Variants in HMCN2 observed in about 807,000 individuals in gnomAD.
The protein encoded by HMCN2 is hemicentin 2.
A neutral mutation model predicts 377.5 loss-of-function variants in HMCN2; 325 were observed. The ratio of observed to expected loss-of-function variants is 0.86; its 90% CI spans 0.79 to 0.94. The LOEUF (loss-of-function observed/expected upper bound fraction) is 0.94. Ranked by LOEUF, HMCN2 falls within the 40% of genes least tolerant of loss-of-function variation. The pLI, the probability that HMCN2 is intolerant of heterozygous loss-of-function variation, is 0.00. For missense variants in HMCN2, 4,543 were observed against 4,725.3 expected, an observed-to-expected ratio of 0.96 and a Z score of 1.13; for synonymous variants, 2,007 against 2,046.8, an observed-to-expected ratio of 0.98 and a Z score of 0.53.
rs749094839 is a variant in HMCN2 at position 130,369,848 on chromosome 9, C to T, written c.7066C>T (p.Leu2356=). Residue 2356 remains leucine, a synonymous_variant, in exon 45 of 98, where the codon CTG becomes TTG. Transcript: ENST00000683500. This position sits in a 1 kb window ranked among gnomAD's most constrained non-coding sequence, Gnocchi z 4.5. ...AGAGAGGAAGTTTGAGCTCTCCGTA[C>T]TGGGTGAGGACCGGCAGCTGCTGGA... The part of the protein sequence containing the change: ...RAERKFELSV[L]VPPELIGDLD... 8.1e-6 allele frequency: 8 copies of T among 986,196 alleles called. No homozygotes were observed. Among genetic ancestry groups the T allele is most frequent in the Non-Finnish European group, 9.6e-6 (8 of 830,448 alleles). 61.1% of individuals were successfully genotyped at this position (986,196 alleles called of 1,614,324 possible). A position where few individuals can be genotyped will look rare whatever the true frequency, so the allele number is the denominator to read the frequency against.
chr9:130,433,069 CCT>C (rs1169017908), intron 97 of HMCN2: 2 of 448,990 alleles, frequency 4.5e-6, no homozygotes, highest in Non-Finnish European at 7.8e-6. Flanking sequence ...ACATCGCTCC[CCT>C]GTGTCTGCTG....
chr9:130,291,260 A>C (rs1184568979), intron 4 of HMCN2, among the ~76,000 whole-genome samples: 2 of 152,188 alleles, frequency 1.3e-5, no homozygotes, highest in African/African-American at 2.4e-5. Context: ...CCCAAGCTGG[A>C]ATGCAGTGGC....
At chr9:130,295,159 G>C (rs147065540) in intron 5 of HMCN2, 133 bp downstream of exon 5, 1 of 284,920 alleles carries the variant, frequency 3.5e-6, no homozygotes, top group African/African-American at 2.3e-5. Flanking sequence ...AATATGGGGT[G>C]GGGGGGACAC....
chr9:130,335,450 C>G (rs1838694874), intron 22 of HMCN2, among the ~76,000 whole-genome samples: 1 of 152,154 alleles, frequency 6.6e-6, no homozygotes, highest in African/African-American at 2.4e-5. Flanking sequence ...GTGGTGTCTT[C>G]TCGCGTATTC....
chr9:130,395,133 G>GGGGGGGGGGGGGGGGC (rs2131690285), intron 70 of HMCN2, 25 bp downstream of exon 70: 1 of 453,792 alleles, frequency 2.2e-6, no homozygotes, highest in Non-Finnish European at 3.9e-6. Context: ...TGGGGTGGGG[G>GGGGGGGGGGGGGGGGC]CAGGGCCGGG....
chr9:130,431,822 C>A (rs1229094761), intron 96 of HMCN2, among the ~76,000 whole-genome samples: 1 of 152,224 alleles, frequency 6.6e-6, no homozygotes, highest in African/African-American at 2.4e-5. Context: ...CTAGCACAGT[C>A]CCCTCTCAGA....
intron 97 of HMCN2, 140 bp downstream of exon 97, chr9:130,432,695 G>C (rs1844835329): frequency 1.1e-6 from 1 of 906,106 alleles, no homozygotes; most frequent in Admixed American, 2.3e-5. Context: ...GGGGCAGGGA[G>C]AGGCCAGAGT....
rs116422675 is a variant in HMCN2, at chr9:130,348,014, A to G, written c.4025-531A>G. 2.6e-3 allele frequency: 2,604 copies of G among 985,328 alleles called. 65 individuals carry two copies. The African/African-American group carries it at 0.042, about 16-fold the overall frequency. 61.0% of individuals were successfully genotyped at this position (985,328 alleles called of 1,614,324 possible). A position where few individuals can be genotyped will look rare whatever the true frequency, so the allele number is the denominator to read the frequency against. ...CATCCAGGGTGCTATGTGCAGAGGAAAGGAACCCCTCCTTAACACGGGCAG... is the reference window on the plus strand; with the variant it reads ...CATCCAGGGTGCTATGTGCAGAGGAGAGGAACCCCTCCTTAACACGGGCAG... On this transcript the variant is annotated intron_variant, in intron 26 of 97. Transcript: ENST00000683500.
chr9:130,275,927 C>T (rs1834669010), intron 1 of HMCN2, among the ~76,000 whole-genome samples: 1 of 152,124 alleles, frequency 6.6e-6, no homozygotes, highest in Non-Finnish European at 1.5e-5. Flanking sequence ...CCTGTCATTC[C>T]CAGGGTGCCT....
In HMCN2 at chr9:130,382,807, G is replaced by A. The variant is rs1334912007; in HGVS notation, c.8674G>A (p.Gly2892Arg). Residue 2892 changes from glycine (G) to arginine (R), a missense_variant, in exon 56 of 98, where the codon GGG (glycine) becomes AGG (arginine). By Grantham distance (125) the Gly-to-Arg change is moderately radical (BLOSUM62 -2). Around this residue, in one of 5 missense-constraint regions of HMCN2, gnomAD observed 736 missense variants for 773.2 expected, o/e 0.95. Coordinates refer to ENST00000683500, the MANE Select transcript of HMCN2 (RefSeq NM_001291815.2). ...GCCCACCATCTCATGGCTCCAGAAT[G>A]GGCTGCCTTTCTCCCCGAGCCCACG... ...PVPTISWLQN[G>R]LPFSPSPRLQ... 2.4e-5 allele frequency: 24 copies of A among 985,822 alleles called. No individual in the cohort carries two copies. The highest frequency in any genetic ancestry group is 2.9e-5 in the Non-Finnish European group (24 of 829,986). 61.1% of individuals were successfully genotyped at this position (985,822 alleles called of 1,614,324 possible).
chr9:130,352,825 G>C, intron 30 of HMCN2, 102 bp from the exon 31 acceptor site: 5 of 970,744 alleles, frequency 5.2e-6, no homozygotes, highest in Non-Finnish European at 6.8e-6. Context: ...ATGGAAGCCT[G>C]TGGTGTGTCT....
Position 130,308,778 on chromosome 9 carries a change from C to T in HMCN2, c.2201-1134C>T, listed in dbSNP as rs1201289987. Among the ~76,000 whole-genome samples, 3 of 152,196 alleles carry T rather than the reference C, an allele frequency of 2.0e-5. No individual in the cohort carries two copies. Among genetic ancestry groups the T allele is most frequent in the African/African-American group, 4.8e-5 (2 of 41,448 alleles). On this transcript the variant is annotated intron_variant, in intron 14 of 97. Transcript: ENST00000683500. The surrounding 1 kb of genome is among the most constrained non-coding windows in gnomAD (Gnocchi z 4.1). Reference sequence around the variant, plus strand: ...TTCCATCTTCAGAAGGAAGGAGATTCTGACACGTGCTACATGGATGTCCTG... The same window carrying T: ...TTCCATCTTCAGAAGGAAGGAGATTTTGACACGTGCTACATGGATGTCCTG...
chr9:130,413,907 A>G (rs778148627), intron 85 of HMCN2, among the ~76,000 whole-genome samples: 5 of 151,480 alleles, frequency 3.3e-5, no homozygotes, highest in Non-Finnish European at 7.4e-5. Flanking sequence ...GCACTTTGGG[A>G]GACTGAGGCA....
In HMCN2 at chr9:130,400,773, TG is replaced by T; in HGVS notation, c.11606-7del. On this transcript the variant is annotated splice_polypyrimidine_tract_variant and intron_variant, in intron 76 of 97. Coordinates refer to ENST00000683500, the MANE Select transcript of HMCN2 (RefSeq NM_001291815.2). ...GCCGGCAGGGCCTCAAGCCTTGTCT[TG>T]GGTTTTAGTGCCTCCCACCATTGCC... The T allele has an allele frequency of 7.8e-7, 1 of 1,281,410 alleles. No homozygotes were observed. Among genetic ancestry groups the T allele is most frequent in the Non-Finnish European group, 1.0e-6 (1 of 984,712 alleles). 79.4% of individuals were successfully genotyped at this position (1,281,410 alleles called of 1,614,324 possible). A position where few individuals can be genotyped will look rare whatever the true frequency, so the allele number is the denominator to read the frequency against.
intron 15 of HMCN2, among the ~76,000 whole-genome samples, chr9:130,316,854 C>A (rs931827487): frequency 6.6e-6 from 1 of 152,160 alleles, no homozygotes; most frequent in African/African-American, 2.4e-5. Flanking sequence ...GGAATCCGGC[C>A]TCTCCCCTGA....
At chr9:130,397,476 C>G in intron 73 of HMCN2, 52 bp from the exon 74 acceptor site, 1 of 1,282,544 alleles carries the variant, frequency 7.8e-7, no homozygotes, top group Non-Finnish European at 1.0e-6. Context: ...GACAGCCTTG[C>G]TCCAGACCCC....
intron 26 of HMCN2, chr9:130,348,104 C>T (rs998289261): frequency 3.3e-6 from 3 of 918,268 alleles, no homozygotes; most frequent in African/African-American, 3.6e-5. Flanking sequence ...GCAGTTCTAC[C>T]AGCTCCTAAC....
intron 19 of HMCN2, among the ~76,000 whole-genome samples, chr9:130,325,096 C>CTTTTTTTTTTTTTTTTTT (rs878863979): frequency 7.8e-6 from 1 of 128,066 alleles, no homozygotes; most frequent in Non-Finnish European, 1.6e-5. Flanking sequence ...TCTTCTTCTT[C>CTTTTTTTTTTTTTTTTTT]TTTTTTTTTT....
Position 130,362,017 on chromosome 9 carries a change from G to A in HMCN2, c.5960G>A (p.Arg1987Gln), listed in dbSNP as rs1355556583. ...RYGLRVNVPP[R>Q]ITLPPSLPGP... The stretch of plus-strand genomic sequence containing the variant: ...CACCCCTGCCCTGCAGTGCCCCCTC[G>A]AATCACACTGCCACCCAGCCTGCCA... The change falls in exon 39 of 98, where the codon CGA becomes CAA. Residue 1987 changes from arginine (R) to glutamine (Q), a missense_variant. Arg to Gln is a conservative substitution (Grantham distance 43). Transcript: ENST00000683500. 28 of 985,954 alleles carry A rather than the reference G, an allele frequency of 2.8e-5. No homozygotes were observed. Among genetic ancestry groups the A allele is most frequent in the South Asian group, 9.4e-5 (2 of 21,286 alleles). The allele number at this position is 985,954 out of a possible 1,614,324, so 61.1% of individuals were successfully genotyped here. A position where few individuals can be genotyped will look rare whatever the true frequency, so the allele number is the denominator to read the frequency against.
Sources: allele counts gnomAD v4.1 joint callset (sites outside exome capture counted in the v4.1 genomes callset), GRCh38; gene constraint gnomAD v4.1.1; regional missense constraint gnomAD v4.1.1; non-coding constraint Gnocchi (gnomAD v3.1); transcripts MANE v1.5; gene names NCBI Gene and HGNC (gene_info 2026-07-23, HGNC 2026-07-21).